CCDC66: variants seen among roughly 807,000 people sequenced by gnomAD.
CCDC66 encodes the protein coiled-coil domain-containing protein 66.
Under a neutral mutation model 128.3 loss-of-function variants are expected in CCDC66, and 133 were observed. The ratio of observed to expected loss-of-function variants is 1.04; its 90% CI spans 0.90 to 1.20. The LOEUF (loss-of-function observed/expected upper bound fraction) is 1.20. CCDC66 is among the 50% of genes most tolerant of loss of function. CCDC66 has a pLI of 0.00. For missense variants in CCDC66, 1,126 were observed against 1,075.5 expected, an observed-to-expected ratio of 1.05 and a Z score of -0.66; for synonymous variants, 387 against 357.0, an observed-to-expected ratio of 1.08 and a Z score of -0.95.
chr3:56,613,755 G>GTACT lies in CCDC66; in HGVS notation c.1566+9_1566+12dup. 1.9e-6 allele frequency: 3 copies of GTACT among 1,599,978 alleles called. No homozygotes were observed. The highest frequency in any genetic ancestry group is 2.6e-6 in the Non-Finnish European group (3 of 1,173,624). ...CTTAAGCAAAAACAAAAGGAAGTAGGTACTTACATTCTAATTGTAACTTTG... is the reference window on the plus strand; with the variant it reads ...CTTAAGCAAAAACAAAAGGAAGTAGGTACTTACTTACATTCTAATTGTAACTTTG... On this transcript the variant is annotated splice_donor_region_variant and intron_variant, in intron 11 of 17. Coordinates refer to ENST00000394672, the MANE Select transcript of CCDC66 (RefSeq NM_001141947.3).
intron 16 of CCDC66, 44 bp downstream of exon 16, chr3:56,619,571 A>C (rs767972133): frequency 2.7e-6 from 4 of 1,490,142 alleles, no homozygotes; most frequent in Admixed American, 2.4e-5. Context: ...TTGAAGACCC[A>C]TGTAAACCCC....
intron 13 of CCDC66, chr3:56,616,861 C>T (rs968277523): frequency 1.7e-5 from 6 of 356,350 alleles, no homozygotes; most frequent in Non-Finnish European, 3.0e-5. Flanking sequence ...TTGCATTTCC[C>T]CCCCAGTGAC....
At chr3:56,599,018 A>G (rs1306497701) in intron 10 of CCDC66, among the ~76,000 whole-genome samples, 1 of 152,018 alleles carries the variant, frequency 6.6e-6, no homozygotes, top group Admixed American at 6.6e-5. Flanking sequence ...ATAGTTTGGT[A>G]GAATTCATTA....
chr3:56,594,181 A>G (rs79772949), intron 10 of CCDC66, among the ~76,000 whole-genome samples, 153 bp downstream of exon 10: 3 of 152,302 alleles, frequency 2.0e-5, no homozygotes, highest in East Asian at 3.9e-4. Context: ...CACAACTGGC[A>G]TTGTAATATT....
rs549428382 is a variant in CCDC66, at chr3:56,588,777, A to G, written c.937-4193A>G. ...ATTCCCAAATGTTTGATAATTAGGC[A>G]GTATACTTCTGACTGAAAGAGAAAT... On this transcript the variant is annotated intron_variant, in intron 7 of 17. Coordinates refer to ENST00000394672, the MANE Select transcript of CCDC66 (RefSeq NM_001141947.3). 9.2e-5 allele frequency among the ~76,000 whole-genome samples: 14 copies of G among 152,372 alleles called. No homozygotes were observed. The South Asian group carries it at 2.9e-3, about 32-fold the overall frequency.
At chr3:56,616,943 T>G (rs1578043732) in intron 13 of CCDC66, 169 bp from the exon 14 acceptor site, 1 of 469,274 alleles carries the variant, frequency 2.1e-6, no homozygotes, top group Non-Finnish European at 3.7e-6. Flanking sequence ...CTGCCAGTGG[T>G]TGGGAGTATG....
At chr3:56,580,713 T>G (rs1388938715) in intron 7 of CCDC66, among the ~76,000 whole-genome samples, 2 of 151,912 alleles carry the variant, frequency 1.3e-5, no homozygotes, top group African/African-American at 2.4e-5. Context: ...AAAATTCTTT[T>G]CTTTAAGAAT....
At chr3:56,597,563 A>G (rs2072230640) in intron 10 of CCDC66, among the ~76,000 whole-genome samples, 1 of 151,718 alleles carries the variant, frequency 6.6e-6, no homozygotes, top group Non-Finnish European at 1.5e-5. Context: ...TCTGTTTTGT[A>G]GTTTTTTATG....
intron 2 of CCDC66, among the ~76,000 whole-genome samples, 192 bp downstream of exon 2, chr3:56,559,102 A>G (rs1232569606): frequency 6.6e-6 from 1 of 152,210 alleles, no homozygotes; most frequent in African/African-American, 2.4e-5. Flanking sequence ...TACTACTGTC[A>G]GTATTCAGAC....
At chr3:56,609,371 T>C (rs1449293763) in intron 10 of CCDC66, among the ~76,000 whole-genome samples, 1 of 152,214 alleles carries the variant, frequency 6.6e-6, no homozygotes, top group Non-Finnish European at 1.5e-5. Context: ...TTTTAACCAC[T>C]GTTGCTTTAA....
At chr3:56,597,788 T>TTTTTTTTTTTTTTTTTTTTTG in intron 10 of CCDC66, among the ~76,000 whole-genome samples, 1 of 136,250 alleles carries the variant, frequency 7.3e-6, no homozygotes, top group African/African-American at 2.7e-5. Flanking sequence ...TTTTTTTTTT[T>TTTTTTTTTTTTTTTTTTTTTG]TTTTGAGACA....
Position 56,615,205 on chromosome 3 carries a change from AG to A in CCDC66, c.1645del (p.Glu549AsnfsTer17). ...AGGAACTGGCACAGAGACTAAAACA[AG>A]AACAAAGAATCCGAGAATTGGCGCA... Reference protein sequence around the residue: ...AQELAQRLKQEQRIRELAQKG... With the variant: ...AQELAQRLKQXQRIRELAQKG... On this transcript the variant is annotated frameshift_variant, in exon 12 of 18. Coordinates refer to ENST00000394672, the MANE Select transcript of CCDC66 (RefSeq NM_001141947.3). LOFTEE classifies it high-confidence loss of function. 6.2e-7 allele frequency: 1 copy of A among 1,614,206 alleles called. No individual in the cohort carries two copies. Among genetic ancestry groups the A allele is most frequent in the South Asian group, 1.1e-5 (1 of 91,080 alleles).
At position 56,617,546 on chromosome 3, in the gene CCDC66, A is replaced by G. The variant is rs138252401; in HGVS notation, c.2278A>G (p.Ile760Val). 1 of 1,609,928 alleles carries G rather than the reference A, an allele frequency of 6.2e-7. No homozygotes were observed. The change falls in exon 14 of 18, where the codon ATT (isoleucine) becomes GTT (valine). Residue 760 changes from isoleucine to valine, a missense_variant. Transcript: ENST00000394672. The stretch of plus-strand genomic sequence containing the variant: ...TCAAAACAGAGGCATTTCACCAGAA[A>G]TTTTTCATTCATCTCATCAAGAAAC... ...LSQNRGISPEIFHSSHQETES... is the reference protein window; with the variant it reads ...LSQNRGISPEVFHSSHQETES...
Position 56,619,836 on chromosome 3 carries a change from C to A in CCDC66, c.2695C>A (p.Pro899Thr). 1 of 1,614,076 alleles carries A rather than the reference C, an allele frequency of 6.2e-7. No homozygotes were observed. Among genetic ancestry groups the A allele is most frequent in the Non-Finnish European group, 8.5e-7 (1 of 1,179,982 alleles). The change falls in exon 17 of 18, where the codon CCT becomes ACT. Residue 899 changes from proline (P) to threonine (T), a missense_variant. Physicochemically the swap from Pro to Thr is conservative, Grantham distance 38. Coordinates refer to ENST00000394672, the MANE Select transcript of CCDC66 (RefSeq NM_001141947.3). ...SDCVRDPLLN[P>T]NMVKNRDRQQ... is the part of the protein sequence containing the mutation. ...CTGTGTCAGGGATCCACTTCTTAAT[C>A]CTAACATGGTGAAAAATAGGGATCG...
chr3:56,619,914 T>A lies in CCDC66; in HGVS notation c.2760+13T>A. ...AGAACTGAGACAGGTATGAGCTTTT[T>A]CAAGTGTAGATATGTCTGTTCTTTA... On this transcript the variant is annotated intron_variant, in intron 17 of 17. Transcript: ENST00000394672. The A allele has an allele frequency of 6.2e-7, 1 of 1,613,022 alleles. No homozygotes were observed.
At position 56,615,967 on chromosome 3, in the gene CCDC66, C is replaced by G; in HGVS notation, c.1757C>G (p.Ser586Ter). Residue 586 changes from serine (S) to a stop codon, truncating the protein, a stop_gained, in exon 13 of 18, where the codon TCA becomes TGA. Transcript: ENST00000394672. LOFTEE classifies it high-confidence loss of function. ...TATAATGCATCTAACATTTCAAATT[C>G]AAGACATGATTCTGATGAAATCAGT... is the stretch of plus-strand genomic sequence containing the variant. ...MEYNASNISN[S>*]RHDSDEISGK... is the part of the protein sequence containing the mutation. 1 of 1,598,960 alleles carries G rather than the reference C, an allele frequency of 6.3e-7. No homozygotes were observed. Among genetic ancestry groups the G allele is most frequent in the Non-Finnish European group, 8.5e-7 (1 of 1,171,998 alleles).
At chr3:56,566,154 C>T (rs532830807) in intron 4 of CCDC66, among the ~76,000 whole-genome samples, 2 of 62,142 alleles carry the variant, frequency 3.2e-5, no homozygotes, top group Non-Finnish European at 1.1e-4. Context: ...GAGACGACAT[C>T]TGGCCCAGAC....
chr3:56,604,688 A>C (rs892850616), intron 10 of CCDC66, among the ~76,000 whole-genome samples: 2 of 151,542 alleles, frequency 1.3e-5, no homozygotes, highest in Non-Finnish European at 2.9e-5. Context: ...GGGTAACCCG[A>C]CCTTTCTCTC....
At position 56,586,980 on chromosome 3, in the gene CCDC66, C is replaced by T. The variant is rs753108282; in HGVS notation, c.937-5990C>T. Among the ~76,000 whole-genome samples the T allele has an allele frequency of 1.3e-5, 2 of 151,712 alleles. 1 individual carries two copies. On this transcript the variant is annotated intron_variant, in intron 7 of 17. Transcript: ENST00000394672. Reference sequence around the variant, plus strand: ...CTGAGGTGAAGGAATTACTTTAGCCCAGGAGTTAGAGGCTGCAGTGAGCTA... The same window carrying T: ...CTGAGGTGAAGGAATTACTTTAGCCTAGGAGTTAGAGGCTGCAGTGAGCTA...
Sources: gnomAD v4.1 joint callset for allele counts (sites outside exome capture counted in the v4.1 genomes callset) on GRCh38, gnomAD v4.1.1 for gene constraint, MANE v1.5 for transcripts, NCBI Gene and HGNC (gene_info 2026-07-23, HGNC 2026-07-21) for gene names.